Variants in CDH17 observed in about 807,000 individuals in gnomAD.
The protein encoded by CDH17 is cadherin-17.
CDH17 carries 67 observed loss-of-function variants against 86.3 expected under a neutral mutation model. The observed-to-expected ratio is 0.78, with a 90% confidence interval of 0.64 to 0.95. CDH17 has a LOEUF of 0.95. Among genes scored for constraint, CDH17 ranks in the 40% least tolerant of loss-of-function variants. CDH17 has a pLI of 0.00. For synonymous variants in CDH17, 367 were observed against 366.4 expected (o/e 1.00, Z -0.02); for missense variants, 993 against 1,017.6 (o/e 0.98, Z 0.33).
intron 2 of CDH17, among the ~76,000 whole-genome samples, chr8:94,193,905 AT>A (rs1338423532): frequency 6.6e-6 from 1 of 151,802 alleles, no homozygotes; most frequent in African/African-American, 2.4e-5. Flanking sequence ...AGGAAGTAAG[AT>A]TTGAGGTATG....
intron 14 of CDH17, among the ~76,000 whole-genome samples, chr8:94,146,598 G>A (rs767199057): frequency 6.6e-6 from 1 of 152,234 alleles, no homozygotes; most frequent in Non-Finnish European, 1.5e-5. Context: ...CTGGAAAATA[G>A]TAAAAGGCTC....
intron 5 of CDH17, 28 bp from the exon 6 acceptor site, chr8:94,174,288 A>G (rs760461341): frequency 1.3e-6 from 2 of 1,556,532 alleles, no homozygotes; most frequent in Non-Finnish European, 1.7e-6. Context: ...CCCAGAAAAA[A>G]AAAAAAAAAG....
chr8:94,147,960 G>A (rs772065576), intron 14 of CDH17, among the ~76,000 whole-genome samples: 4 of 152,128 alleles, frequency 2.6e-5, no homozygotes, highest in Non-Finnish European at 2.9e-5. Context: ...CAAGCTCCCC[G>A]GGGATTCTCA....
intron 15 of CDH17, among the ~76,000 whole-genome samples, chr8:94,137,813 C>T (rs745673954): frequency 1.3e-5 from 2 of 152,214 alleles, no homozygotes; most frequent in Non-Finnish European, 2.9e-5. Flanking sequence ...CCTGTAAGTA[C>T]TGACTTTTGG....
At chr8:94,147,019 G>A (rs1056491820) in intron 14 of CDH17, among the ~76,000 whole-genome samples, 1 of 152,124 alleles carries the variant, frequency 6.6e-6, no homozygotes, top group African/African-American at 2.4e-5. Context: ...CTGTGTTCTC[G>A]AAGTTATTGT....
At chr8:94,150,316 A>G (rs944907120) in intron 13 of CDH17, among the ~76,000 whole-genome samples, 1 of 152,190 alleles carries the variant, frequency 6.6e-6, no homozygotes, top group Non-Finnish European at 1.5e-5. Context: ...CGGCAGGGGC[A>G]AGGACGAATC....
intron 12 of CDH17, among the ~76,000 whole-genome samples, chr8:94,153,687 T>C (rs767344902): frequency 1.2e-4 from 19 of 152,164 alleles, no homozygotes; most frequent in Non-Finnish European, 2.4e-4. Context: ...CATATATATA[T>C]ACACACACAC....
At chr8:94,211,202 A>G (rs1479031554), upstream of CDH17, among the ~76,000 whole-genome samples, 1 of 152,152 alleles carries the variant, frequency 6.6e-6, no homozygotes, top group Non-Finnish European at 1.5e-5. Flanking sequence ...TAATTTATGG[A>G]CATTTGTAAG....
At chr8:94,200,790 C>A (rs1187332367) in intron 1 of CDH17, among the ~76,000 whole-genome samples, 1 of 151,832 alleles carries the variant, frequency 6.6e-6, no homozygotes, top group East Asian at 1.9e-4. Flanking sequence ...GGATCTGCAT[C>A]CAGCCCGGAT....
rs1001709659 is a variant in CDH17 at position 94,200,553 on chromosome 8, T to G, written c.-20-5848A>C. Among the ~76,000 whole-genome samples, 158 of 140,344 alleles carry G rather than the reference T, an allele frequency of 1.1e-3. 1 individual carries two copies. Among genetic ancestry groups the G allele is most frequent in the African/African-American group, 3.5e-3 (134 of 37,990 alleles). The allele number at this position is 140,344 out of a possible 152,430, so 92.1% of individuals were successfully genotyped here. On this transcript the variant is annotated intron_variant, in intron 1 of 17. Coordinates refer to ENST00000027335, the MANE Select transcript of CDH17 (RefSeq NM_004063.4). The stretch of plus-strand genomic sequence containing the variant: ...TTATCTTTTGTTTTTTTTTTTTTTT[T>G]TTTTTTTTTTTTTTTACAAAAAAAG...
At chr8:94,151,483 A>C (rs1812855537) in intron 13 of CDH17, among the ~76,000 whole-genome samples, 1 of 152,156 alleles carries the variant, frequency 6.6e-6, no homozygotes, top group South Asian at 2.1e-4. Context: ...CTCTGTCTAG[A>C]ACTCCAATAC....
intron 17 of CDH17, among the ~76,000 whole-genome samples, chr8:94,128,842 C>T (rs1190123724): frequency 6.6e-6 from 1 of 152,154 alleles, no homozygotes; most frequent in African/African-American, 2.4e-5. Flanking sequence ...TGGGCGCCTT[C>T]CTCCTGGATC....
At chr8:94,202,774 C>A (rs1813945035) in intron 1 of CDH17, 1 of 161,946 alleles carries the variant, frequency 6.2e-6, no homozygotes, top group Non-Finnish European at 1.3e-5. Context: ...AGCCAGGCAT[C>A]ACCATTCTTG....
In CDH17 at chr8:94,159,969, A is replaced by G. The variant is rs1307258609; in HGVS notation, c.1551+2T>C. On this transcript the variant is annotated splice_donor_variant, in intron 12 of 17. Transcript: ENST00000027335. LOFTEE classifies it high-confidence loss of function. ...ATTCTATTAAATAAATGGGCTATTT[A>G]CCTTTTTAATTATGACATATCCGGT... The G allele has an allele frequency of 1.2e-6, 2 of 1,600,354 alleles. No homozygotes were observed. The highest frequency in any genetic ancestry group is 2.7e-5 in the African/African-American group (2 of 74,256).
At chr8:94,187,609 T>C (rs2130660437) in intron 3 of CDH17, among the ~76,000 whole-genome samples, 1 of 152,112 alleles carries the variant, frequency 6.6e-6, no homozygotes, top group South Asian at 2.1e-4. Flanking sequence ...GGAGTCTTGA[T>C]TCAGATCCAT....
At chr8:94,133,258 A>G (rs1278842465) in intron 15 of CDH17, among the ~76,000 whole-genome samples, 2 of 152,132 alleles carry the variant, frequency 1.3e-5, no homozygotes, top group African/African-American at 4.8e-5. Context: ...CTTGGGCAGT[A>G]TGGCCATTTT....
At chr8:94,173,204 T>C (rs1813302382) in intron 7 of CDH17, among the ~76,000 whole-genome samples, 1 of 152,128 alleles carries the variant, frequency 6.6e-6, no homozygotes, top group South Asian at 2.1e-4. Context: ...CGTTTGGATG[T>C]TTGTCCCCTC....
chr8:94,149,452 C>G (rs1192189314), intron 13 of CDH17, among the ~76,000 whole-genome samples: 1 of 152,150 alleles, frequency 6.6e-6, no homozygotes, highest in Non-Finnish European at 1.5e-5. Context: ...GACAGATAAA[C>G]AGTTGATTCC....
At position 94,176,537 on chromosome 8, in the gene CDH17, T is replaced by C; in HGVS notation, c.424+4A>G. The stretch of plus-strand genomic sequence containing the variant: ...CATAAATATCTCTGGCCCCTGCCTG[T>C]TACCTGGGCGAGAGTTCTGCCTTAC... On this transcript the variant is annotated splice_donor_region_variant and intron_variant, in intron 5 of 17. Transcript: ENST00000027335. 3 of 1,613,528 alleles carry C rather than the reference T, an allele frequency of 1.9e-6. No individual in the cohort carries two copies. Among genetic ancestry groups the C allele is most frequent in the Non-Finnish European group, 1.7e-6 (2 of 1,179,644 alleles).
Sources: gnomAD v4.1 joint callset for allele counts (sites outside exome capture counted in the v4.1 genomes callset) on GRCh38, gnomAD v4.1.1 for gene constraint, MANE v1.5 for transcripts, NCBI Gene and HGNC (gene_info 2026-07-23, HGNC 2026-07-21) for gene names.